PCDHA3: variants seen among roughly 807,000 people sequenced by gnomAD.
PCDHA3 encodes the protein protocadherin alpha-3.
PCDHA3 carries 41 observed loss-of-function variants against 62.2 expected under a neutral mutation model. The observed-to-expected ratio is 0.66, with a 90% CI of 0.51 to 0.86. PCDHA3 has a LOEUF of 0.86. Ranked by LOEUF, PCDHA3 falls within the 40% of genes least tolerant of loss-of-function variation. The pLI is 0.00. For missense variants in PCDHA3, 1,304 were observed against 1,241.2 expected, an observed-to-expected ratio of 1.05 and a Z score of -0.76; for synonymous variants, 640 against 555.4, an observed-to-expected ratio of 1.15 and a Z score of -2.14.
chr5:140,829,811 G>A (rs2150175266), intron 1 of PCDHA3: 4 of 1,613,910 alleles, frequency 2.5e-6, no homozygotes, highest in South Asian at 1.1e-5. Flanking sequence ...GGGTGGTACT[G>A]GTGGTGCAGT....
chr5:140,988,206 G>GA (rs200168674), intron 3 of PCDHA3, among the ~76,000 whole-genome samples: 41 of 150,634 alleles, frequency 2.7e-4, no homozygotes, highest in Admixed American at 4.6e-4. Flanking sequence ...TCCTTATTAG[G>GA]AAAAAAAAAT....
At chr5:140,987,444 C>T (rs2097254283) in intron 3 of PCDHA3, among the ~76,000 whole-genome samples, 2 of 151,998 alleles carry the variant, frequency 1.3e-5, no homozygotes, top group Admixed American at 6.6e-5. Flanking sequence ...TCCCCATGCC[C>T]GAGAGATAAT....
chr5:141,010,923 A>T lies in PCDHA3; in HGVS notation c.*986A>T, dbSNP rs184389417. The T allele has an allele frequency of 4.0e-3, 619 of 153,912 alleles. 3 individuals are homozygous for T. Among genetic ancestry groups the T allele is most frequent in the Admixed American group, 6.2e-3 (95 of 15,302 alleles). The allele number at this position is 153,912 out of a possible 1,614,324, so 9.5% of individuals were successfully genotyped here. A position where few individuals can be genotyped will look rare whatever the true frequency, so the allele number is the denominator to read the frequency against. ...TCCCCTAAACTCTCCTCAAAAGAGA[A>T]TTCAGTCTACAGCCATTTAAATGAT... On this transcript the variant is annotated 3_prime_UTR_variant, in exon 4 of 4. Coordinates refer to ENST00000522353, the MANE Select transcript of PCDHA3 (RefSeq NM_018906.3).
At chr5:140,823,386 C>T in intron 1 of PCDHA3, 1 of 1,612,766 alleles carries the variant, frequency 6.2e-7, no homozygotes, top group Non-Finnish European at 8.5e-7. Context: ...TGAGCGCGCG[C>T]GACGCGGGCG....
In PCDHA3 at chr5:140,966,787, A is replaced by C. The variant is rs781920865; in HGVS notation, c.2395-12162A>C. 5.9e-5 allele frequency: 90 copies of C among 1,526,700 alleles called. No homozygotes were observed. Among genetic ancestry groups the C allele is most frequent in the Non-Finnish European group, 7.7e-5 (88 of 1,139,948 alleles). The allele number at this position is 1,526,700 out of a possible 1,614,324, so 94.6% of individuals were successfully genotyped here. On this transcript the variant is annotated intron_variant, in intron 1 of 3. Coordinates refer to ENST00000522353, the MANE Select transcript of PCDHA3 (RefSeq NM_018906.3). ...TGGCTATGGAGCAGGCGGGCACCAG[A>C]CCTGCGGCGACAGAGCATCCACGGC...
rs192376340 is a variant in PCDHA3, at chr5:140,857,538, G to T, written c.2394+53947G>T. The T allele has an allele frequency of 6.9e-6, 11 of 1,597,348 alleles. No individual in the cohort carries two copies. In the East Asian group the frequency reaches 2.0e-4, roughly 29 times the overall value. On this transcript the variant is annotated intron_variant, in intron 1 of 3. Transcript: ENST00000522353. Reference sequence around the variant, plus strand: ...GTGTCCTACTCTCTGGTGGAGCGGCGGTTGGGCGAGCGCTCGCTGTCGAGC... The same window carrying T: ...GTGTCCTACTCTCTGGTGGAGCGGCTGTTGGGCGAGCGCTCGCTGTCGAGC...
chr5:140,875,882 A>G (rs2055902382), intron 1 of PCDHA3: 1 of 1,614,158 alleles, frequency 6.2e-7, no homozygotes, highest in Non-Finnish European at 8.5e-7. Flanking sequence ...AGAGAAAGGG[A>G]ACAAAAGGTA....
At position 140,842,838 on chromosome 5, in the gene PCDHA3, G is replaced by A. The variant is rs1265674507; in HGVS notation, c.2394+39247G>A. 6.3e-7 allele frequency: 1 copy of A among 1,593,906 alleles called. No homozygotes were observed. Among genetic ancestry groups the A allele is most frequent in the South Asian group, 1.1e-5 (1 of 90,422 alleles). ...CGGGTGGGCGAGCGCTCGCTGTCGAGCTACATTTCGGTGCACACGGAGAGC... is the reference window on the plus strand; with the variant it reads ...CGGGTGGGCGAGCGCTCGCTGTCGAACTACATTTCGGTGCACACGGAGAGC... On this transcript the variant is annotated intron_variant, in intron 1 of 3. Transcript: ENST00000522353.
chr5:140,877,652 C>G (rs1456022709), intron 1 of PCDHA3: 1 of 1,613,520 alleles, frequency 6.2e-7, no homozygotes, highest in Non-Finnish European at 8.5e-7. Context: ...TCAGCGCCGC[C>G]CACCGTGAGC....
At chr5:140,902,709 TC>T (rs1248555909) in intron 1 of PCDHA3, among the ~76,000 whole-genome samples, 11 of 152,060 alleles carry the variant, frequency 7.2e-5, no homozygotes, top group Admixed American at 4.6e-4. Flanking sequence ...TATCTTTCAC[TC>T]CCCTCCCACC....
Position 141,010,117 on chromosome 5 carries a change from T to C in PCDHA3, c.*180T>C. Reference sequence around the variant, plus strand: ...TTTAACAGGTTTTGTCGTAAAAGCTTTACTAAGTCTGGTGTTAACTCTTTC... The same window carrying C: ...TTTAACAGGTTTTGTCGTAAAAGCTCTACTAAGTCTGGTGTTAACTCTTTC... On this transcript the variant is annotated 3_prime_UTR_variant, in exon 4 of 4. Transcript: ENST00000522353. 1 of 1,608,612 alleles carries C rather than the reference T, an allele frequency of 6.2e-7. No individual in the cohort carries two copies. The highest frequency in any genetic ancestry group is 8.5e-7 in the Non-Finnish European group (1 of 1,177,044).
intron 1 of PCDHA3, chr5:140,876,450 G>T (rs2153340874): frequency 6.2e-7 from 1 of 1,614,012 alleles, no homozygotes; most frequent in Non-Finnish European, 8.5e-7. Context: ...TTGATAAAGG[G>T]ATTCCTTCCA....
intron 1 of PCDHA3, chr5:140,928,844 C>G (rs782361945): frequency 6.2e-7 from 1 of 1,614,168 alleles, no homozygotes; most frequent in Admixed American, 1.7e-5. Context: ...TCCTCTGTCA[C>G]TCTGGGTGTG....
intron 1 of PCDHA3, chr5:140,817,742 C>T (rs2150098917): frequency 5.3e-5 from 8 of 152,172 alleles, no homozygotes; most frequent in Non-Finnish European, 7.3e-5. Context: ...TTTCTGGGAT[C>T]ATTTTCCTTC....
intron 1 of PCDHA3, among the ~76,000 whole-genome samples, chr5:140,970,131 A>G (rs1554232260): frequency 6.6e-6 from 1 of 152,186 alleles, no homozygotes; most frequent in Non-Finnish European, 1.5e-5. Context: ...GAAGGAAGAG[A>G]AGGGAAAAAG....
At position 140,857,834 on chromosome 5, in the gene PCDHA3, G is replaced by A; in HGVS notation, c.2394+54243G>A. 1.9e-6 allele frequency: 3 copies of A among 1,597,844 alleles called. 1 individual carries two copies. The highest frequency in any genetic ancestry group is 1.7e-6 in the Non-Finnish European group (2 of 1,167,630). The stretch of plus-strand genomic sequence containing the variant: ...TCACGTGGTGGCTAAGGTGCGCGCA[G>A]TGGACGCTGACTCTGGATACAACGC... On this transcript the variant is annotated intron_variant, in intron 1 of 3. Transcript: ENST00000522353.
At chr5:140,823,080 G>A in intron 1 of PCDHA3, 4 of 1,613,920 alleles carry the variant, frequency 2.5e-6, no homozygotes, top group East Asian at 2.2e-5. Flanking sequence ...CTTCGCTGTG[G>A]GCCACCGCCA....
intron 1 of PCDHA3, among the ~76,000 whole-genome samples, chr5:140,952,656 T>A (rs1554220534): frequency 6.6e-6 from 1 of 152,188 alleles, no homozygotes; most frequent in Admixed American, 6.5e-5. Flanking sequence ...GTTACCCAGT[T>A]CCAAAGTCAC....
Position 140,802,972 on chromosome 5 carries a change from C to T in PCDHA3, c.1775C>T (p.Ala592Val), listed in dbSNP as rs1554122491. Residue 592 changes from alanine (A) to valine (V), a missense_variant, in exon 1 of 4, where the codon GCG becomes GTG. Transcript: ENST00000522353. ...PRSVGAGHVV[A>V]KVRAVDADSG... ...TCAGTGGGTGCGGGCCACGTGGTAG[C>T]GAAGGTGCGCGCAGTGGATGCAGAC... is the stretch of plus-strand genomic sequence containing the variant. 2.5e-6 allele frequency: 4 copies of T among 1,613,864 alleles called. No individual in the cohort carries two copies. Among genetic ancestry groups the T allele is most frequent in the African/African-American group, 2.7e-5 (2 of 74,938 alleles).
Sources: gnomAD v4.1 joint callset for allele counts (sites outside exome capture counted in the v4.1 genomes callset) on GRCh38, gnomAD v4.1.1 for gene constraint, MANE v1.5 for transcripts, NCBI Gene and HGNC (gene_info 2026-07-23, HGNC 2026-07-21) for gene names.